The following MICAL3 variants were observed in gnomAD, a reference collection of about 807,000 sequenced individuals.
MICAL3 encodes [F-actin]-monooxygenase MICAL3.
In MICAL3, 62 loss-of-function variants were observed where a neutral mutation model predicts 207.4. The observed-to-expected ratio is 0.30, with a 90% CI of 0.24 to 0.37. The LOEUF (loss-of-function observed/expected upper bound fraction) is 0.37, where lower values mean the gene tolerates loss of function less well. Among genes scored for constraint, MICAL3 ranks in the 10% least tolerant of loss-of-function variants. The pLI is 1.00. For missense variants in MICAL3, 2,368 were observed against 2,635.6 expected (o/e 0.90, Z 2.22); for synonymous variants, 1,077 against 1,069.3 (o/e 1.01, Z -0.14).
intron 15 of MICAL3, among the ~76,000 whole-genome samples, chr22:17,886,631 T>A (rs1929892624): frequency 6.6e-6 from 1 of 151,414 alleles, no homozygotes; most frequent in Non-Finnish European, 1.5e-5. Flanking sequence ...ATGGTGAAAA[T>A]CCGTCTCTAC....
rs565667574 is a variant in MICAL3, at chr22:17,850,400, G to GTTTTTTTTTTTTT, written c.2606-8396_2606-8384dup. Among the ~76,000 whole-genome samples the GTTTTTTTTTTTTT allele has an allele frequency of 1.5e-4, 11 of 74,418 alleles. 2 individuals carry two copies. The highest frequency in any genetic ancestry group is 2.3e-4 in the Non-Finnish European group (9 of 38,954). The allele number at this position is 74,418 out of a possible 152,430, so 48.8% of individuals were successfully genotyped here. On this transcript the variant is annotated intron_variant, in intron 19 of 31. Transcript: ENST00000441493. ...CTGTGGAACTTTTGCTTTTGAATTAGTTTTTTTTTTTTTTTTTTTTTTTTT... is the reference window on the plus strand; with the variant it reads ...CTGTGGAACTTTTGCTTTTGAATTAGTTTTTTTTTTTTTTTTTTTTTTTTTTTTTTTTTTTTTT...
intron 1 of MICAL3, among the ~76,000 whole-genome samples, chr22:18,003,561 C>A (rs1392366930): frequency 6.6e-6 from 1 of 152,182 alleles, no homozygotes; most frequent in South Asian, 2.1e-4. Flanking sequence ...GTGCTTTCAT[C>A]CACACTACAA....
chr22:17,990,824 C>T (rs186128136), intron 1 of MICAL3, among the ~76,000 whole-genome samples: 1 of 152,298 alleles, frequency 6.6e-6, no homozygotes, highest in East Asian at 1.9e-4. Context: ...AAGCGGACTC[C>T]TGAGAAATCA....
chr22:17,877,575 A>G (rs1314081568), intron 16 of MICAL3, among the ~76,000 whole-genome samples: 1 of 144,606 alleles, frequency 6.9e-6, no homozygotes, highest in East Asian at 2.0e-4. Context: ...TAGGGAGGTT[A>G]GGGAAGTTAT....
At chr22:17,994,395 C>T (rs1009589091) in intron 1 of MICAL3, among the ~76,000 whole-genome samples, 7 of 152,168 alleles carry the variant, frequency 4.6e-5, no homozygotes, top group African/African-American at 7.2e-5. Context: ...ACTGGCCTCC[C>T]GGGACCCATG....
At chr22:17,969,614 T>C (rs981921858) in intron 1 of MICAL3, among the ~76,000 whole-genome samples, 2 of 152,234 alleles carry the variant, frequency 1.3e-5, no homozygotes, top group African/African-American at 4.8e-5. Context: ...ACATGGGCCC[T>C]TGATCTGTGA....
intron 1 of MICAL3, among the ~76,000 whole-genome samples, chr22:17,927,063 T>C (rs1283415550): frequency 6.6e-6 from 1 of 152,180 alleles, no homozygotes; most frequent in Non-Finnish European, 1.5e-5. Context: ...CAACAGAAAC[T>C]CTGTACCCAT....
intron 1 of MICAL3, among the ~76,000 whole-genome samples, chr22:17,986,785 T>A (rs1921063182): frequency 6.6e-6 from 1 of 152,186 alleles, no homozygotes; most frequent in Non-Finnish European, 1.5e-5. Flanking sequence ...ACTTCCCTAT[T>A]TCTAGTTTCA....
chr22:17,887,394 C>T lies in MICAL3; in HGVS notation c.1933G>A (p.Ala645Thr). The change falls in exon 14 of 32, where the codon GCC becomes ACC. Residue 645 changes from alanine (A) to threonine (T), a missense_variant. This residue lies in a region of MICAL3 where 1,770 missense variants were observed against 1,863.2 expected (regional missense o/e 0.95). Coordinates refer to ENST00000441493, the MANE Select transcript of MICAL3 (RefSeq NM_015241.3). ...LNAEEKAVLI[A>T]STRSPISFLS... ...AAGGAGATAGGGGATCTGGTGCTGG[C>T]TATCAGGACTGCTTTCTCCTCGGCA... 1 of 1,613,990 alleles carries T rather than the reference C, an allele frequency of 6.2e-7. No homozygotes were observed. Among genetic ancestry groups the T allele is most frequent in the African/African-American group, 1.3e-5 (1 of 75,058 alleles).
At chr22:17,955,606 T>G (rs1369391481) in intron 1 of MICAL3, among the ~76,000 whole-genome samples, 1 of 152,226 alleles carries the variant, frequency 6.6e-6, no homozygotes, top group African/African-American at 2.4e-5. Context: ...CACACACTTA[T>G]TCCCACCTTC....
intron 1 of MICAL3, among the ~76,000 whole-genome samples, chr22:17,948,577 G>A (rs1006812156): frequency 6.6e-6 from 1 of 152,162 alleles, no homozygotes; most frequent in African/African-American, 2.4e-5. Flanking sequence ...CAATACAGGG[G>A]AAGACAGAAT....
chr22:17,928,438 C>CA (rs371390135), intron 1 of MICAL3, among the ~76,000 whole-genome samples: 3,568 of 144,426 alleles, frequency 0.025, 136 homozygotes, highest in African/African-American at 0.083. Context: ...GACTCCGTCT[C>CA]AAAAAAAAAG....
In MICAL3 at chr22:17,968,674, G is replaced by A. The variant is rs148307606; in HGVS notation, c.-75+55607C>T. ...TTACCACAACCACTAATGCCCCAAC[G>A]AGCCGCTGAAAGAAAGGCCGGTTCC... is the stretch of plus-strand genomic sequence containing the variant. On this transcript the variant is annotated intron_variant, in intron 1 of 31. Coordinates refer to ENST00000441493, the MANE Select transcript of MICAL3 (RefSeq NM_015241.3). 3.7e-3 allele frequency among the ~76,000 whole-genome samples: 562 copies of A among 152,114 alleles called. 3 individuals carry two copies. Among genetic ancestry groups the A allele is most frequent in the African/African-American group, 0.013 (530 of 41,478 alleles).
rs781404620 is a variant in MICAL3 at position 17,817,354 on chromosome 22, C to T, written c.5307G>A (p.Thr1769=). The part of the protein sequence containing the change: ...SCPSTPSSGA[T]VDSGKHRVLP... ...GCACCCTGTGCTTTCCAGAGTCCAC[C>T]GTGGCCCCGCTGGAGGGGGTGCTGG... The change falls in exon 26 of 32, where the codon ACG becomes ACA. Residue 1769 remains threonine (T), a synonymous_variant. Coordinates refer to ENST00000441493, the MANE Select transcript of MICAL3 (RefSeq NM_015241.3). The T allele has an allele frequency of 2.4e-5, 39 of 1,609,918 alleles. No homozygotes were observed. The highest frequency in any genetic ancestry group is 4.5e-5 in the East Asian group (2 of 44,750).
chr22:17,867,820 G>C (rs1358698595), intron 17 of MICAL3, among the ~76,000 whole-genome samples: 1 of 152,220 alleles, frequency 6.6e-6, no homozygotes, highest in Admixed American at 6.5e-5. Context: ...GTAACCAAGA[G>C]CCTTGCTTAT....
At chr22:18,000,037 G>A (rs756064271) in intron 1 of MICAL3, among the ~76,000 whole-genome samples, 13 of 152,160 alleles carry the variant, frequency 8.5e-5, no homozygotes, top group South Asian at 2.1e-4. Context: ...GCCTGTGTGC[G>A]GCCAGGTAAC....
chr22:17,956,334 G>A (rs1324360375), intron 1 of MICAL3, among the ~76,000 whole-genome samples: 1 of 152,192 alleles, frequency 6.6e-6, no homozygotes, highest in African/African-American at 2.4e-5. Context: ...CAACCTCCCA[G>A]GTATGCCAAG....
At chr22:17,795,232 C>A (rs1406650055) in intron 29 of MICAL3, among the ~76,000 whole-genome samples, 1 of 152,216 alleles carries the variant, frequency 6.6e-6, no homozygotes, top group Non-Finnish European at 1.5e-5. Flanking sequence ...GGATTTCTTT[C>A]CTCAACAATA....
At chr22:17,834,243 C>T (rs747684556) in intron 20 of MICAL3, 7 of 1,092,574 alleles carry the variant, frequency 6.4e-6, no homozygotes, top group South Asian at 4.2e-5. Flanking sequence ...TTCATTCACT[C>T]GGTGAACATT....
Sources: allele counts gnomAD v4.1 joint callset (sites outside exome capture counted in the v4.1 genomes callset), GRCh38; gene constraint gnomAD v4.1.1; regional missense constraint gnomAD v4.1.1; transcripts MANE v1.5; gene names NCBI Gene and HGNC (gene_info 2026-07-23, HGNC 2026-07-21).